EVC2: variants seen among roughly 807,000 people sequenced by gnomAD.
The protein encoded by EVC2 is limbin.
In EVC2, 148 loss-of-function variants were observed where a neutral mutation model predicts 149.3. That is an observed-to-expected ratio of 0.99 (90% CI 0.87 to 1.14). EVC2 has a LOEUF of 1.14. EVC2 is among the 50% of genes most tolerant of loss of function. The pLI is 0.00. For synonymous variants in EVC2, 776 were observed against 649.9 expected, an observed-to-expected ratio of 1.19 and a Z score of -2.95; for missense variants, 1,854 against 1,627.3, an observed-to-expected ratio of 1.14 and a Z score of -2.40.
chr4:5,613,446 T>G lies in EVC2; in HGVS notation c.2829+1976A>C, dbSNP rs2108826068. Reference sequence around the variant, plus strand: ...AGCCGGTACTCAGGGAAATGCTCCCTCTACCCCCGAGTATGGCTACTTCCT... The same window carrying G: ...AGCCGGTACTCAGGGAAATGCTCCCGCTACCCCCGAGTATGGCTACTTCCT... On this transcript the variant is annotated intron_variant, in intron 16 of 21. Coordinates refer to ENST00000344408, the MANE Select transcript of EVC2 (RefSeq NM_147127.5). This position sits in a 1 kb window ranked among gnomAD's most constrained non-coding sequence, Gnocchi z 4.6. Among the ~76,000 whole-genome samples the G allele has an allele frequency of 6.6e-6, 1 of 152,294 alleles. No individual in the cohort carries two copies. Among genetic ancestry groups the G allele is most frequent in the South Asian group, 2.1e-4 (1 of 4,826 alleles).
At chr4:5,562,068 AG>A (rs563529511), downstream of EVC2, among the ~76,000 whole-genome samples, 45 of 152,320 alleles carry the variant, frequency 3.0e-4, no homozygotes, top group East Asian at 7.5e-3. This position sits in a 1 kb window ranked among gnomAD's most constrained non-coding sequence, Gnocchi z 4.3. Flanking sequence ...GTAAAACACA[AG>A]CACTTGTATG....
chr4:5,687,474 C>A (rs1720803261), intron 5 of EVC2, among the ~76,000 whole-genome samples: 2 of 151,904 alleles, frequency 1.3e-5, no homozygotes, highest in Admixed American at 1.3e-4. Context: ...GAGCAGAAGT[C>A]CATGAATTCA....
chr4:5,676,286 ATG>A (rs1298892017), intron 7 of EVC2, among the ~76,000 whole-genome samples: 1 of 152,206 alleles, frequency 6.6e-6, no homozygotes, highest in East Asian at 1.9e-4. Flanking sequence ...CTTGGCTGAC[ATG>A]TGTCAGTTTC....
intron 11 of EVC2, 87 bp from the exon 12 acceptor site, chr4:5,628,821 T>G: frequency 7.4e-7 from 1 of 1,355,362 alleles, no homozygotes; most frequent in Non-Finnish European, 1.0e-6. Flanking sequence ...TTATTTTTCC[T>G]TTTATAAGAA....
At chr4:5,650,671 A>AGAGAGAGCGC (rs35334619) in intron 9 of EVC2, among the ~76,000 whole-genome samples, 9 of 102,458 alleles carry the variant, frequency 8.8e-5, no homozygotes, top group East Asian at 4.0e-4. Flanking sequence ...AGAGAGAGAG[A>AGAGAGAGCGC]GCCATTTAAT....
At chr4:5,703,928 CA>C (rs1184892990) in intron 1 of EVC2, among the ~76,000 whole-genome samples, 5 of 151,876 alleles carry the variant, frequency 3.3e-5, no homozygotes, top group Non-Finnish European at 5.9e-5. Context: ...GTCAGGGTAT[CA>C]GGGGGAGGAG....
chr4:5,622,133 C>A lies in EVC2; in HGVS notation c.2501+404G>T, dbSNP rs958288225. On this transcript the variant is annotated intron_variant, in intron 14 of 21. Coordinates refer to ENST00000344408, the MANE Select transcript of EVC2 (RefSeq NM_147127.5). The surrounding 1 kb of genome is among the most constrained non-coding windows in gnomAD (Gnocchi z 5.8). The stretch of plus-strand genomic sequence containing the variant: ...GGCCTAACCGCAAGCTCCCCTTCCC[C>A]CTCTGCTCCTGTGGATCATGTCCCC... 6.6e-6 allele frequency among the ~76,000 whole-genome samples: 1 copy of A among 152,104 alleles called. No individual in the cohort carries two copies. The highest frequency in any genetic ancestry group is 2.1e-4 in the South Asian group (1 of 4,826).
intron 7 of EVC2, among the ~76,000 whole-genome samples, chr4:5,672,543 G>A (rs964584320): frequency 2.0e-5 from 3 of 152,146 alleles, no homozygotes; most frequent in African/African-American, 4.8e-5. Flanking sequence ...CGTGGACTTT[G>A]GCTTTTGATG....
intron 17 of EVC2, among the ~76,000 whole-genome samples, chr4:5,577,684 C>G (rs1408271637): frequency 1.3e-5 from 2 of 152,192 alleles, no homozygotes; most frequent in Non-Finnish European, 2.9e-5. Context: ...CTGCATCTCT[C>G]TATAGCATGG....
At chr4:5,650,604 C>CATATATATAT (rs66673359) in intron 9 of EVC2, among the ~76,000 whole-genome samples, 125 of 52,966 alleles carry the variant, frequency 2.4e-3, no homozygotes, top group Admixed American at 3.4e-3. Flanking sequence ...TTTTAATCGC[C>CATATATATAT]ATATATATAT....
In EVC2 at chr4:5,657,970, G is replaced by T. The variant is rs1386613960; in HGVS notation, c.1145+5137C>A. Among the ~76,000 whole-genome samples, 1 of 151,944 alleles carries T rather than the reference G, an allele frequency of 6.6e-6. No homozygotes were observed. The highest frequency in any genetic ancestry group is 1.5e-5 in the Non-Finnish European group (1 of 67,992). ...TTGTGCTTGCTGCCCACTCCAAAAC[G>T]CTCATCGCCAGCTCTCAGCTTAACA... On this transcript the variant is annotated intron_variant, in intron 9 of 21. Transcript: ENST00000344408. This position sits in a 1 kb window ranked among gnomAD's most constrained non-coding sequence, Gnocchi z 4.7.
At chr4:5,561,131 A>C (rs1721938863), downstream of EVC2, among the ~76,000 whole-genome samples, 1 of 152,242 alleles carries the variant, frequency 6.6e-6, no homozygotes, top group African/African-American at 2.4e-5. Context: ...ACTTTCAACT[A>C]TGCATAATTC....
chr4:5,668,820 T>C (rs899254763), intron 7 of EVC2, among the ~76,000 whole-genome samples: 2 of 152,098 alleles, frequency 1.3e-5, no homozygotes, highest in Non-Finnish European at 1.5e-5. Flanking sequence ...ATGTAGTGAG[T>C]TGAGTTGAGT....
At chr4:5,548,760 A>T (rs1021551348) in intron 21 of EVC2, among the ~76,000 whole-genome samples, 1 of 152,172 alleles carries the variant, frequency 6.6e-6, no homozygotes, top group African/African-American at 2.4e-5. Context: ...TTGTGCTCTT[A>T]TCTGATGACA....
intron 16 of EVC2, among the ~76,000 whole-genome samples, chr4:5,604,099 T>C (rs1006071804): frequency 4.6e-5 from 7 of 152,182 alleles, no homozygotes; most frequent in African/African-American, 1.4e-4. Context: ...TAGTAATAGT[T>C]GCTCTGCCTG....
intron 1 of EVC2, among the ~76,000 whole-genome samples, chr4:5,699,995 G>T (rs1397635284): frequency 6.6e-6 from 1 of 151,790 alleles, no homozygotes; most frequent in Non-Finnish European, 1.5e-5. Flanking sequence ...ACACAAATTA[G>T]CTGGGCATGG....
chr4:5,620,272 A>G (rs1157828537), intron 14 of EVC2, among the ~76,000 whole-genome samples: 1 of 152,214 alleles, frequency 6.6e-6, no homozygotes, highest in Non-Finnish European at 1.5e-5. Context: ...AGCAACTCTG[A>G]GATGACTCTC....
At chr4:5,629,134 G>T (rs914314778) in intron 11 of EVC2, among the ~76,000 whole-genome samples, 2 of 152,172 alleles carry the variant, frequency 1.3e-5, no homozygotes, top group Non-Finnish European at 2.9e-5. Flanking sequence ...ACCCCAAGGA[G>T]CTCCCACCAC....
intron 6 of EVC2, 51 bp from the exon 7 acceptor site, chr4:5,681,364 C>T (rs372542371): frequency 4.7e-5 from 74 of 1,589,586 alleles, no homozygotes; most frequent in Middle Eastern, 1.7e-4. Flanking sequence ...GGGTCTGACA[C>T]GTGGGATAAC....
Sources: gnomAD v4.1 joint callset for allele counts (sites outside exome capture counted in the v4.1 genomes callset) on GRCh38, gnomAD v4.1.1 for gene constraint, Gnocchi (gnomAD v3.1) non-coding constraint, MANE v1.5 for transcripts, NCBI Gene and HGNC (gene_info 2026-07-23, HGNC 2026-07-21) for gene names.